The following VPS13B variants were observed in gnomAD, a reference collection of about 807,000 sequenced individuals.
The protein encoded by VPS13B is vacuolar protein sorting 13 homolog B, also known as intermembrane lipid transfer protein VPS13B.
VPS13B carries 285 observed loss-of-function variants against 426.4 expected under a neutral mutation model. That is an observed-to-expected ratio of 0.67 (90% CI 0.61 to 0.74). VPS13B has a LOEUF of 0.74. Ranked by LOEUF, VPS13B falls within the 30% of genes least tolerant of loss-of-function variation. The pLI is 0.00. For synonymous variants in VPS13B, 1,676 were observed against 1,676.4 expected (o/e 1.00, Z 0.01); for missense variants, 4,537 against 4,782.6 (o/e 0.95, Z 1.51).
chr8:99,236,267 A>T (rs1449113841), intron 17 of VPS13B, among the ~76,000 whole-genome samples: 2 of 148,224 alleles, frequency 1.3e-5, no homozygotes. Flanking sequence ...TTTTTTTTTT[A>T]AAGACAGAAT....
chr8:99,875,833 G>T lies in VPS13B; in HGVS notation c.*167G>T. 1.2e-6 allele frequency: 1 copy of T among 834,684 alleles called. No homozygotes were observed. Among genetic ancestry groups the T allele is most frequent in the South Asian group, 1.7e-5 (1 of 60,250 alleles). The allele number at this position is 834,684 out of a possible 1,614,324, so 51.7% of individuals were successfully genotyped here. On this transcript the variant is annotated 3_prime_UTR_variant, in exon 62 of 62. Transcript: ENST00000357162. ...CTGCAAGCACCTGCCACCATAAAGGGCTGCATTTTGCCACCATAAAGGGCT... is the reference window on the plus strand; with the variant it reads ...CTGCAAGCACCTGCCACCATAAAGGTCTGCATTTTGCCACCATAAAGGGCT...
chr8:99,054,008 G>T (rs1041018299), intron 3 of VPS13B, among the ~76,000 whole-genome samples: 1 of 152,070 alleles, frequency 6.6e-6, no homozygotes, highest in Admixed American at 6.6e-5. Flanking sequence ...CCAGCCCAGG[G>T]TTTCCTTTTT....
intron 33 of VPS13B, among the ~76,000 whole-genome samples, chr8:99,640,013 TAATAATAATA>T (rs1829256037): frequency 1.4e-5 from 1 of 70,594 alleles, no homozygotes; most frequent in African/African-American, 5.3e-5. Flanking sequence ...ATAATAATAA[TAATAATAATA>T]ATAAGAAGAA....
At chr8:99,837,377 C>G (rs1815451256) in intron 54 of VPS13B, among the ~76,000 whole-genome samples, 1 of 152,152 alleles carries the variant, frequency 6.6e-6, no homozygotes, top group African/African-American at 2.4e-5. Flanking sequence ...CTCCCAGTCT[C>G]ATTAATTTAC....
chr8:99,369,909 A>G (rs1313875817), intron 19 of VPS13B, among the ~76,000 whole-genome samples: 1 of 152,202 alleles, frequency 6.6e-6, no homozygotes, highest in Non-Finnish European at 1.5e-5. Flanking sequence ...ATAAAATAGT[A>G]TTACCCTGAA....
At chr8:99,281,192 T>G (rs1023328795) in intron 19 of VPS13B, among the ~76,000 whole-genome samples, 1 of 152,238 alleles carries the variant, frequency 6.6e-6, no homozygotes, top group Non-Finnish European at 1.5e-5. Flanking sequence ...GAGCATCTAA[T>G]GCTGCTGCTG....
In VPS13B at chr8:99,442,249, A is replaced by G. The variant is rs77706283; in HGVS notation, c.3211-152A>G. The G allele has an allele frequency of 0.024, 16,703 of 687,154 alleles. 261 individuals are homozygous for G. The highest frequency in any genetic ancestry group is 0.032 in the Non-Finnish European group (12,884 of 406,602). 42.6% of individuals were successfully genotyped at this position (687,154 alleles called of 1,614,324 possible). A position where few individuals can be genotyped will look rare whatever the true frequency, so the allele number is the denominator to read the frequency against. On this transcript the variant is annotated intron_variant, in intron 22 of 61. Coordinates refer to ENST00000357162, the MANE Select transcript of VPS13B (RefSeq NM_152564.5). The stretch of plus-strand genomic sequence containing the variant: ...AACAAGAGTAAACAATACCTTTTCA[A>G]GTTTTTAAAATATTCATTAGTGAAA...
intron 17 of VPS13B, among the ~76,000 whole-genome samples, chr8:99,273,164 T>A (rs943420069): frequency 6.7e-6 from 1 of 150,070 alleles, no homozygotes; most frequent in African/African-American, 2.4e-5. Flanking sequence ...AGGTAGTTTT[T>A]TTTTTTTTTT....
intron 22 of VPS13B, among the ~76,000 whole-genome samples, chr8:99,432,270 A>G (rs1006362217): frequency 6.6e-6 from 1 of 152,116 alleles, no homozygotes; most frequent in African/African-American, 2.4e-5. Context: ...TCTCTGTGAT[A>G]CCAGAGACAT....
At position 99,274,446 on chromosome 8, in the gene VPS13B, C is replaced by T. The variant is rs1012343458; in HGVS notation, c.2650+114C>T. The T allele has an allele frequency of 1.6e-5, 25 of 1,518,504 alleles. No homozygotes were observed. In the East Asian group the frequency reaches 1.8e-4, roughly 11 times the overall value. 94.1% of individuals were successfully genotyped at this position (1,518,504 alleles called of 1,614,324 possible). Reference sequence around the variant, plus strand: ...TTACTCACTGTTGCTATGAATCAGACGTTTTAAATTTTTACTTAGAAATTT... The same window carrying T: ...TTACTCACTGTTGCTATGAATCAGATGTTTTAAATTTTTACTTAGAAATTT... On this transcript the variant is annotated intron_variant, in intron 18 of 61. Coordinates refer to ENST00000357162, the MANE Select transcript of VPS13B (RefSeq NM_152564.5).
intron 43 of VPS13B, among the ~76,000 whole-genome samples, chr8:99,794,992 A>T (rs1167255891): frequency 6.6e-6 from 1 of 152,094 alleles, no homozygotes; most frequent in Non-Finnish European, 1.5e-5. Context: ...TTTTCCAACC[A>T]TGTCCTGGAT....
chr8:99,769,107 A>G (rs907300424), intron 40 of VPS13B, among the ~76,000 whole-genome samples: 1 of 152,198 alleles, frequency 6.6e-6, no homozygotes, highest in African/African-American at 2.4e-5. Context: ...TTAAGCAGAT[A>G]ATCAAATTCA....
intron 7 of VPS13B, among the ~76,000 whole-genome samples, chr8:99,119,886 G>GTT (rs999466176): frequency 4.3e-4 from 64 of 150,572 alleles, no homozygotes; most frequent in African/African-American, 1.3e-3. Flanking sequence ...TTTTTTGTTT[G>GTT]TTTTTTGTTT....
At chr8:99,803,865 T>C (rs950820047) in intron 43 of VPS13B, among the ~76,000 whole-genome samples, 2 of 152,184 alleles carry the variant, frequency 1.3e-5, no homozygotes, top group Admixed American at 6.5e-5. Context: ...TAGACAAGAA[T>C]TATTTTAGTA....
In VPS13B at chr8:99,445,413, T is replaced by C. The variant is rs554124640; in HGVS notation, c.3445+2778T>C. ...CCAGGAGTTCCAGGATGCAGCAAGC[T>C]ATGATCGCACCACTGCACTCCAGCC... On this transcript the variant is annotated intron_variant, in intron 23 of 61. Transcript: ENST00000357162. 3.3e-5 allele frequency among the ~76,000 whole-genome samples: 5 copies of C among 149,918 alleles called. No homozygotes were observed. The East Asian group carries it at 9.7e-4, about 29-fold the overall frequency.
intron 8 of VPS13B, among the ~76,000 whole-genome samples, chr8:99,128,588 TTCCTCTCC>T (rs1026853627): frequency 6.6e-6 from 1 of 152,016 alleles, no homozygotes; most frequent in African/African-American, 2.4e-5. Flanking sequence ...CAGGTTTTGT[TTCCTCTCC>T]AATTTCATTT....
Position 99,853,631 on chromosome 8 carries a change from GT to G in VPS13B, c.10245del (p.Phe3415LeufsTer15). On this transcript the variant is annotated frameshift_variant, in exon 56 of 62. Transcript: ENST00000357162. LOFTEE classifies it high-confidence loss of function. ...LPGEEPVAAL[F>X]ELYCVEICCG... Reference sequence around the variant, plus strand: ...CTGGGGAAGAGCCTGTGGCTGCGTTGTTTGAACTTTACTGTGTGGAGATCTG... The same window carrying G: ...CTGGGGAAGAGCCTGTGGCTGCGTTGTTGAACTTTACTGTGTGGAGATCTG... The G allele has an allele frequency of 6.2e-7, 1 of 1,614,170 alleles. No individual in the cohort carries two copies. The highest frequency in any genetic ancestry group is 8.5e-7 in the Non-Finnish European group (1 of 1,180,018).
intron 2 of VPS13B, among the ~76,000 whole-genome samples, chr8:99,020,937 A>G (rs1192998855): frequency 6.6e-6 from 1 of 152,244 alleles, no homozygotes; most frequent in African/African-American, 2.4e-5. Context: ...TCATCTGGGT[A>G]ATGATGTAAA....
At chr8:99,795,584 CCA>C (rs749457459) in intron 43 of VPS13B, among the ~76,000 whole-genome samples, 2 of 152,128 alleles carry the variant, frequency 1.3e-5, no homozygotes, top group Non-Finnish European at 2.9e-5. Context: ...ACTTATTATC[CCA>C]CAGTCTTGTT....
Sources: allele counts gnomAD v4.1 joint callset (sites outside exome capture counted in the v4.1 genomes callset), GRCh38; gene constraint gnomAD v4.1.1; transcripts MANE v1.5; gene names NCBI Gene and HGNC (gene_info 2026-07-23, HGNC 2026-07-21).